DHX9: variants seen among roughly 807,000 people sequenced by gnomAD.
DHX9 encodes the protein DExH-box helicase 9.
A neutral mutation model predicts 148.7 loss-of-function variants in DHX9; 27 were observed. The ratio of observed to expected loss-of-function variants is 0.18; its 90% CI spans 0.13 to 0.25. DHX9 has a LOEUF of 0.25. Among genes scored for constraint, DHX9 ranks in the 10% least tolerant of loss-of-function variants. The pLI, the probability that DHX9 is intolerant of heterozygous loss-of-function variation, is 1.00. For synonymous variants in DHX9, 529 were observed against 516.6 expected (o/e 1.02, Z -0.33); for missense variants, 796 against 1,559.6 (o/e 0.51, Z 8.25).
chr1:182,855,566 G>C, intron 6 of DHX9: 3 of 985,484 alleles, frequency 3.0e-6, no homozygotes, highest in Non-Finnish European at 3.6e-6. Flanking sequence ...TGGTGTCGCT[G>C]TTCCCCCTAG....
At chr1:182,860,309 AAAAG>A in intron 12 of DHX9, 125 bp downstream of exon 12, 4 of 837,346 alleles carry the variant, frequency 4.8e-6, no homozygotes, top group South Asian at 2.3e-5. Context: ...TAAATTTAAA[AAAAG>A]AAAACATAAA....
chr1:182,870,559 A>G (rs1249650568), intron 14 of DHX9, among the ~76,000 whole-genome samples: 3 of 152,356 alleles, frequency 2.0e-5, no homozygotes, highest in Non-Finnish European at 1.5e-5. Context: ...GGAATGAGCA[A>G]TTAAGTAAAT....
chr1:182,844,523 G>A (rs1667991501), intron 3 of DHX9, among the ~76,000 whole-genome samples: 1 of 152,042 alleles, frequency 6.6e-6, no homozygotes, highest in Admixed American at 6.6e-5. Flanking sequence ...TAGTTTTTAA[G>A]AAATAAGGTT....
chr1:182,874,060 G>A (rs1176647384), intron 15 of DHX9, among the ~76,000 whole-genome samples: 3 of 152,124 alleles, frequency 2.0e-5, no homozygotes, highest in Admixed American at 6.5e-5. Context: ...TAAATAAGTG[G>A]TTTAATAAAA....
chr1:182,846,850 T>C (rs1668040372), intron 3 of DHX9, among the ~76,000 whole-genome samples: 1 of 152,064 alleles, frequency 6.6e-6, no homozygotes, highest in African/African-American at 2.4e-5. Flanking sequence ...CTCTTGGTGT[T>C]TATATTTATA....
chr1:182,875,119 T>C, intron 16 of DHX9, 165 bp downstream of exon 16: 1 of 671,316 alleles, frequency 1.5e-6, no homozygotes, highest in South Asian at 1.5e-5. Context: ...GCAAAAAAAT[T>C]CCAGGTTCAG....
Position 182,845,220 on chromosome 1 carries a change from C to T in DHX9, c.252+1786C>T, listed in dbSNP as rs149327480. On this transcript the variant is annotated intron_variant, in intron 3 of 27. Coordinates refer to ENST00000367549, the MANE Select transcript of DHX9 (RefSeq NM_001357.5). ...TAAAAATGCCTTCTGGTAGAGAAAA[C>T]AGTTTTGCAAATGTCTTTTACATGT... 7.2e-4 allele frequency among the ~76,000 whole-genome samples: 109 copies of T among 152,242 alleles called. 1 individual carries two copies. The highest frequency in any genetic ancestry group is 2.4e-3 in the African/African-American group (101 of 41,546).
intron 24 of DHX9, 96 bp downstream of exon 24, chr1:182,881,743 C>A (rs1649094504): frequency 3.0e-6 from 4 of 1,330,388 alleles, no homozygotes; most frequent in African/African-American, 1.5e-5. Context: ...AAATTTTAGA[C>A]CCTATGATTT....
chr1:182,856,060 G>T (rs1014861336), intron 6 of DHX9, among the ~76,000 whole-genome samples: 1 of 152,236 alleles, frequency 6.6e-6, no homozygotes, highest in Non-Finnish European at 1.5e-5. Context: ...TGCACAAAGT[G>T]TATGTGCATG....
At chr1:182,880,134 C>T (rs1649021949) in intron 21 of DHX9, among the ~76,000 whole-genome samples, 1 of 152,162 alleles carries the variant, frequency 6.6e-6, no homozygotes, top group Non-Finnish European at 1.5e-5. Flanking sequence ...TACTATGTAA[C>T]TTCAGAATTT....
At chr1:182,875,164 T>C (rs1648702512) in intron 16 of DHX9, 1 of 590,586 alleles carries the variant, frequency 1.7e-6, no homozygotes, top group Non-Finnish European at 3.2e-6. Context: ...TTAAATTATC[T>C]CTGGCGTAAA....
chr1:182,882,492 A>G (rs1649128755), intron 24 of DHX9, among the ~76,000 whole-genome samples: 1 of 152,196 alleles, frequency 6.6e-6, no homozygotes, highest in Admixed American at 6.5e-5. Flanking sequence ...CAGCTATTTA[A>G]GAGTAGCAGA....
At chr1:182,861,758 C>T (rs890464478) in intron 12 of DHX9, among the ~76,000 whole-genome samples, 2 of 152,180 alleles carry the variant, frequency 1.3e-5, no homozygotes, top group African/African-American at 4.8e-5. Context: ...GGGTGAATTA[C>T]TTATAACTCA....
chr1:182,860,254 T>G, intron 12 of DHX9, 70 bp downstream of exon 12: 1 of 1,266,806 alleles, frequency 7.9e-7, no homozygotes, highest in Non-Finnish European at 1.1e-6. Flanking sequence ...GATTAACTAA[T>G]TTTTGTAATT....
At chr1:182,866,851 GATT>G (rs1224970079) in intron 13 of DHX9, 107 bp from the exon 14 acceptor site, 1 of 874,568 alleles carries the variant, frequency 1.1e-6, no homozygotes, top group Non-Finnish European at 1.8e-6. Context: ...ATGTACATGT[GATT>G]ATTTTCTAAA....
intron 12 of DHX9, among the ~76,000 whole-genome samples, chr1:182,861,620 T>G (rs749683991): frequency 1.3e-4 from 20 of 151,926 alleles, no homozygotes; most frequent in Non-Finnish European, 2.4e-4. Flanking sequence ...AAGACAGGAG[T>G]CTCAAGTTGT....
Position 182,878,129 on chromosome 1 carries a change from G to A in DHX9, c.2307G>A (p.Arg769=), listed in dbSNP as rs756240932. The part of the protein sequence containing the change: ...EQRKGRAGRV[R]PGFCFHLCSR... ...GGAAAGGGCGAGCTGGCCGAGTACG[G>A]CCTGGATTCTGCTTTCACCTGTGCA... Residue 769 remains arginine (R), a synonymous_variant, in exon 20 of 28, where the codon CGG becomes CGA. Coordinates refer to ENST00000367549, the MANE Select transcript of DHX9 (RefSeq NM_001357.5). 1 of 1,614,236 alleles carries A rather than the reference G, an allele frequency of 6.2e-7. No individual in the cohort carries two copies. Among genetic ancestry groups the A allele is most frequent in the East Asian group, 2.2e-5 (1 of 44,882 alleles).
At chr1:182,868,057 A>G (rs545110384) in intron 14 of DHX9, among the ~76,000 whole-genome samples, 12 of 152,294 alleles carry the variant, frequency 7.9e-5, no homozygotes, top group Admixed American at 2.0e-4. Context: ...AGTTCAGTCA[A>G]TCATTAGCAA....
At chr1:182,855,268 C>CT (rs1377045013) in intron 6 of DHX9, among the ~76,000 whole-genome samples, 1 of 152,132 alleles carries the variant, frequency 6.6e-6, no homozygotes, top group Non-Finnish European at 1.5e-5. Flanking sequence ...CACTTGGTGA[C>CT]TTTAAGAACA....
Sources: allele counts gnomAD v4.1 joint callset (sites outside exome capture counted in the v4.1 genomes callset), GRCh38; gene constraint gnomAD v4.1.1; transcripts MANE v1.5; gene names NCBI Gene and HGNC (gene_info 2026-07-23, HGNC 2026-07-21).